The following GRIN2D variants were observed in gnomAD, a reference collection of about 807,000 sequenced individuals.
GRIN2D encodes glutamate receptor ionotropic, NMDA 2D.
A neutral mutation model predicts 103.2 loss-of-function variants in GRIN2D; 37 were observed. That is an observed-to-expected ratio of 0.36 (90% CI 0.28 to 0.47). The LOEUF is 0.47. Ranked by LOEUF, GRIN2D falls within the 20% of genes least tolerant of loss-of-function variation. The probability of loss-of-function intolerance (pLI) is 1.00; values close to 1 mark genes in which losing one functional copy is unlikely to be tolerated. For synonymous variants in GRIN2D, 845 were observed against 885.6 expected (o/e 0.95, Z 0.81); for missense variants, 1,557 against 1,910.6 (o/e 0.81, Z 3.45).
chr19:48,415,781 G>C (rs1182395178), intron 7 of GRIN2D, among the ~76,000 whole-genome samples: 1 of 152,018 alleles, frequency 6.6e-6, no homozygotes, highest in Admixed American at 6.6e-5. Flanking sequence ...CAGCCGGGTA[G>C]GACGCGGGCT....
At position 48,412,154 on chromosome 19, in the gene GRIN2D, G is replaced by A. The variant is rs375832230; in HGVS notation, c.1086-1837G>A. Among the ~76,000 whole-genome samples the A allele has an allele frequency of 2.8e-4, 42 of 151,650 alleles. 1 individual carries two copies. In the South Asian group the frequency reaches 6.7e-3, roughly 24 times the overall value. On this transcript the variant is annotated intron_variant, in intron 4 of 13. Transcript: ENST00000263269. ...ATCCTGGCTAACACGGTGAAACCCC[G>A]TCTCTACTAAAAAAAATACAAAAAA...
Position 48,414,313 on chromosome 19 carries a change from A to G in GRIN2D, c.1201-60A>G, listed in dbSNP as rs778265975. On this transcript the variant is annotated intron_variant, in intron 5 of 13. Coordinates refer to ENST00000263269, the MANE Select transcript of GRIN2D (RefSeq NM_000836.4). This position sits in a 1 kb window ranked among gnomAD's most constrained non-coding sequence, Gnocchi z 4.6. ...TAGGTCTGAGGGAAGAGGATCATGG[A>G]GGCCAGGATACACCGGGAAGTCTTC... The G allele has an allele frequency of 2.3e-5, 31 of 1,361,242 alleles. No individual in the cohort carries two copies. The highest frequency in any genetic ancestry group is 3.1e-5 in the Non-Finnish European group (30 of 982,068). The allele number at this position is 1,361,242 out of a possible 1,614,324, so 84.3% of individuals were successfully genotyped here. A position where few individuals can be genotyped will look rare whatever the true frequency, so the allele number is the denominator to read the frequency against.
intron 4 of GRIN2D, among the ~76,000 whole-genome samples, chr19:48,406,159 A>G (rs1970789645): frequency 6.6e-6 from 1 of 152,172 alleles, no homozygotes; most frequent in African/African-American, 2.4e-5. Flanking sequence ...CTAGACGTCC[A>G]TTCCGATAGG....
intron 11 of GRIN2D, among the ~76,000 whole-genome samples, chr19:48,431,742 G>A (rs1971158284): frequency 6.6e-6 from 1 of 151,922 alleles, no homozygotes; most frequent in Admixed American, 6.6e-5. Flanking sequence ...GTGGCACCAT[G>A]CCCAGCTAAT....
rs972268597 is a variant in GRIN2D, at chr19:48,405,579, T to C, written c.1085+226T>C. ...ATTACTATATTTCATGACTCTAAGA[T>C]GCATAATGTTTCACATTTTAATGTC... On this transcript the variant is annotated intron_variant, in intron 4 of 13. Transcript: ENST00000263269. This position sits in a 1 kb window ranked among gnomAD's most constrained non-coding sequence, Gnocchi z 5.1. Among the ~76,000 whole-genome samples the C allele has an allele frequency of 6.6e-6, 1 of 152,222 alleles. No individual in the cohort carries two copies. Among genetic ancestry groups the C allele is most frequent in the South Asian group, 2.1e-4 (1 of 4,836 alleles).
chr19:48,432,884 G>C (rs1398942260), intron 11 of GRIN2D, among the ~76,000 whole-genome samples: 2 of 149,634 alleles, frequency 1.3e-5, no homozygotes, highest in Non-Finnish European at 3.0e-5. Context: ...TCCACCTCCC[G>C]GGTTCAAGTG....
rs1321956600 is a variant in GRIN2D at position 48,442,664 on chromosome 19, A to G, written c.2738A>G (p.Gln913Arg). The change falls in exon 14 of 14, where the codon CAG (glutamine) becomes CGG (arginine). Residue 913 changes from glutamine (Q) to arginine (R), a missense_variant. Around this residue, in one of 7 missense-constraint regions of GRIN2D, gnomAD observed 632 missense variants for 572.8 expected, o/e 1.10. Transcript: ENST00000263269. The surrounding 1 kb of genome is among the most constrained non-coding windows in gnomAD (Gnocchi z 7.2). The stretch of plus-strand genomic sequence containing the variant: ...CCCGCCAAGCCCCCGCCGCCGCCAC[A>G]GCCCCTGCCCAGCCCCGCGTACCCC... ...PPPAKPPPPPQPLPSPAYPAP... is the reference protein window; with the variant it reads ...PPPAKPPPPPRPLPSPAYPAP... The G allele has an allele frequency of 2.1e-6, 3 of 1,454,228 alleles. No homozygotes were observed. The highest frequency in any genetic ancestry group is 2.7e-6 in the Non-Finnish European group (3 of 1,103,888). 90.1% of individuals were successfully genotyped at this position (1,454,228 alleles called of 1,614,324 possible).
chr19:48,441,806 A>G lies in GRIN2D; in HGVS notation c.2290A>G (p.Asn764Asp), dbSNP rs774538007. 2 of 1,613,960 alleles carry G rather than the reference A, an allele frequency of 1.2e-6. No individual in the cohort carries two copies. Among genetic ancestry groups the G allele is most frequent in the Non-Finnish European group, 1.7e-6 (2 of 1,179,990 alleles). ...DAFIYDAAVL[N>D]YMARKDEGCK... is the part of the protein sequence containing the mutation. ...CTTCATCTACGATGCTGCAGTGCTC[A>G]ATTACATGGCCCGCAAGGACGAGGG... The change falls in exon 12 of 14, where the codon AAT becomes GAT. Residue 764 changes from asparagine to aspartate, a missense_variant. By Grantham distance (23) the Asn-to-Asp change is conservative. Around this residue, in one of 7 missense-constraint regions of GRIN2D, gnomAD observed 138 missense variants for 270.2 expected, o/e 0.51. Coordinates refer to ENST00000263269, the MANE Select transcript of GRIN2D (RefSeq NM_000836.4).
chr19:48,433,330 A>C (rs932463412), intron 11 of GRIN2D, among the ~76,000 whole-genome samples: 2 of 151,944 alleles, frequency 1.3e-5, no homozygotes, highest in Non-Finnish European at 2.9e-5. Context: ...AGCACATTGC[A>C]CTCCAGCCTG....
rs1452644052 is a variant in GRIN2D, at chr19:48,394,426, A to G, written c.-305-232A>G. Among the ~76,000 whole-genome samples the G allele has an allele frequency of 7.4e-6, 1 of 135,754 alleles. No individual in the cohort carries two copies. Among genetic ancestry groups the G allele is most frequent in the Non-Finnish European group, 1.6e-5 (1 of 63,602 alleles). The allele number at this position is 135,754 out of a possible 152,430, so 89.1% of individuals were successfully genotyped here. On this transcript the variant is annotated intron_variant, in intron 1 of 13. Coordinates refer to ENST00000263269, the MANE Select transcript of GRIN2D (RefSeq NM_000836.4). The surrounding 1 kb of genome is among the most constrained non-coding windows in gnomAD (Gnocchi z 5.1). ...GCCACTAGCTTCAGAGGTGACCCAGACAGACAGATAGACACAGACGCTGGA... is the reference window on the plus strand; with the variant it reads ...GCCACTAGCTTCAGAGGTGACCCAGGCAGACAGATAGACACAGACGCTGGA...
intron 11 of GRIN2D, among the ~76,000 whole-genome samples, chr19:48,428,861 G>T (rs1971121163): frequency 6.6e-6 from 1 of 152,140 alleles, no homozygotes; most frequent in Non-Finnish European, 1.5e-5. Context: ...AAAATCTTAG[G>T]TGGGTATGAT....
chr19:48,397,884 T>C (rs2147433490), intron 2 of GRIN2D, among the ~76,000 whole-genome samples: 1 of 150,984 alleles, frequency 6.6e-6, no homozygotes, highest in Admixed American at 6.6e-5. Flanking sequence ...CCTGACCCCA[T>C]TATCCACCCT....
intron 3 of GRIN2D, among the ~76,000 whole-genome samples, chr19:48,403,825 TGCTG>T (rs2147440445): frequency 6.6e-6 from 1 of 152,356 alleles, no homozygotes; most frequent in African/African-American, 2.4e-5. Flanking sequence ...TCTCAGTGGC[TGCTG>T]GGGGCTGTAG....
chr19:48,435,354 A>G (rs1238328400), intron 11 of GRIN2D, among the ~76,000 whole-genome samples: 4 of 124,568 alleles, frequency 3.2e-5, no homozygotes, highest in Non-Finnish European at 6.3e-5. Context: ...CCCGGGCACC[A>G]TCTCAGCTCA....
chr19:48,396,778 G>A (rs1444018034), intron 2 of GRIN2D, among the ~76,000 whole-genome samples: 3 of 152,094 alleles, frequency 2.0e-5, no homozygotes, highest in Non-Finnish European at 2.9e-5. Flanking sequence ...CCTTTCCCCC[G>A]CCCTGGCTGT....
chr19:48,417,346 G>A (rs1046133737), intron 8 of GRIN2D, among the ~76,000 whole-genome samples: 6 of 152,196 alleles, frequency 3.9e-5, no homozygotes, highest in Non-Finnish European at 8.8e-5. Context: ...CAATAGGAAG[G>A]TGACAGCAGA....
chr19:48,411,508 G>A (rs543776575), intron 4 of GRIN2D, among the ~76,000 whole-genome samples: 1 of 151,896 alleles, frequency 6.6e-6, no homozygotes, highest in East Asian at 1.9e-4. Flanking sequence ...AATTAGGCAG[G>A]CGCGGTGGTG....
chr19:48,419,330 G>T lies in GRIN2D; in HGVS notation c.1832G>T (p.Gly611Val). The T allele has an allele frequency of 6.2e-7, 1 of 1,607,056 alleles. No homozygotes were observed. Among genetic ancestry groups the T allele is most frequent in the Non-Finnish European group, 8.5e-7 (1 of 1,179,116 alleles). ...ATCTTCGAGTACCTCAGTCCTGTTG[G>T]TTACAACCGCAGCCTGGCCACGGGC... The part of the protein sequence containing the change: ...VFIFEYLSPV[G>V]YNRSLATGKR... Residue 611 changes from glycine to valine, a missense_variant, in exon 9 of 14, where the codon GGT becomes GTT. Gly to Val is a moderately radical substitution (Grantham distance 109, BLOSUM62 -3). Around this residue, in one of 7 missense-constraint regions of GRIN2D, gnomAD observed 197 missense variants for 334.1 expected, o/e 0.59. Coordinates refer to ENST00000263269, the MANE Select transcript of GRIN2D (RefSeq NM_000836.4).
At chr19:48,428,758 T>C (rs532607704) in intron 11 of GRIN2D, among the ~76,000 whole-genome samples, 2 of 152,250 alleles carry the variant, frequency 1.3e-5, no homozygotes, top group East Asian at 3.9e-4. Flanking sequence ...AGGCCCTATA[T>C]ACAAATAAGG....
Sources: gnomAD v4.1 joint callset for allele counts (sites outside exome capture counted in the v4.1 genomes callset) on GRCh38, gnomAD v4.1.1 for gene constraint, gnomAD v4.1.1 regional missense constraint, Gnocchi (gnomAD v3.1) non-coding constraint, MANE v1.5 for transcripts, NCBI Gene and HGNC (gene_info 2026-07-23, HGNC 2026-07-21) for gene names.